GPC3: variants seen among roughly 807,000 people sequenced by gnomAD.
GPC3 encodes the protein glypican-3.
In GPC3, 3 loss-of-function variants were observed where a neutral mutation model predicts 34.4. The observed-to-expected ratio is 0.09, with a 90% CI of 0.04 to 0.23. The LOEUF (loss-of-function observed/expected upper bound fraction) is 0.23, where lower values mean the gene tolerates loss of function less well. Ranked by LOEUF, GPC3 falls within the 10% of genes least tolerant of loss-of-function variation. The probability of loss-of-function intolerance (pLI) is 1.00; values close to 1 mark genes in which losing one functional copy is unlikely to be tolerated. For missense variants in GPC3, 351 were observed against 445.6 expected (o/e 0.79, Z 1.91); for synonymous variants, 177 against 174.0 (o/e 1.02, Z -0.13).
intron 7 of GPC3, among the ~76,000 whole-genome samples, chrX:133,552,741 C>T (rs906952928): frequency 1.8e-5 from 2 of 111,695 alleles, no homozygotes; most frequent in African/African-American, 6.5e-5. Flanking sequence ...TGGCATCACT[C>T]AGGATCCAGA....
chrX:133,702,556 T>C (rs1335828108), intron 3 of GPC3, among the ~76,000 whole-genome samples: 4 of 111,393 alleles, frequency 3.6e-5, no homozygotes, highest in Non-Finnish European at 7.5e-5. Context: ...TGAATACTAA[T>C]TGGTCCACAG....
chrX:133,845,521 A>G (rs1054877524), intron 2 of GPC3, among the ~76,000 whole-genome samples: 11 of 111,822 alleles, frequency 9.8e-5, no homozygotes, highest in Non-Finnish European at 1.5e-4. Flanking sequence ...GTAGCTAAAC[A>G]TAAGTACCTA....
rs772498714 is a variant in GPC3, at chrX:133,617,950, T to C, written c.1414-21351A>G. Among the ~76,000 whole-genome samples, 129 of 111,942 alleles carry C rather than the reference T, an allele frequency of 1.2e-3. 1 individual carries two copies. The highest frequency in any genetic ancestry group is 2.2e-3 in the Non-Finnish European group (115 of 53,231). ...CTAGTTTTTAAAATGATTTCATTTA[T>C]GTGTGTGAACCGAAACATTTTGAAA... On this transcript the variant is annotated intron_variant, in intron 6 of 7. Transcript: ENST00000370818.
chrX:133,874,620 C>T (rs1009119416), intron 2 of GPC3, among the ~76,000 whole-genome samples: 12 of 111,695 alleles, frequency 1.1e-4, no homozygotes, highest in Non-Finnish European at 1.9e-4. Flanking sequence ...GGACAACAGA[C>T]GATGTTTTTA....
chrX:133,748,953 G>C (rs778866573), intron 3 of GPC3, among the ~76,000 whole-genome samples: 6 of 111,536 alleles, frequency 5.4e-5, no homozygotes, highest in African/African-American at 2.0e-4. Context: ...GAATCAACTG[G>C]GACATTTCTT....
At chrX:133,904,923 C>T (rs1247426830) in intron 2 of GPC3, among the ~76,000 whole-genome samples, 1 of 112,120 alleles carries the variant, frequency 8.9e-6, no homozygotes, top group African/African-American at 3.2e-5. Context: ...TAAGTGCAAA[C>T]GGCTTCAAGG....
In GPC3 at chrX:133,776,846, T is replaced by C. The variant is rs767423344; in HGVS notation, c.338-22670A>G. Among the ~76,000 whole-genome samples the C allele has an allele frequency of 8.3e-5, 9 of 108,766 alleles. No individual in the cohort carries two copies. In the East Asian group the frequency reaches 2.6e-3, roughly 31 times the overall value. The allele number at this position is 108,766 out of a possible 115,157, so 94.5% of individuals were successfully genotyped here. A position where few individuals can be genotyped will look rare whatever the true frequency, so the allele number is the denominator to read the frequency against. On this transcript the variant is annotated intron_variant, in intron 2 of 7. Coordinates refer to ENST00000370818, the MANE Select transcript of GPC3 (RefSeq NM_004484.4). ...AGCAATGAGTATACTCAAAAATTAG[T>C]ACAGCAAGGAAGTAGTCACGTCCTT...
chrX:133,569,230 T>C (rs1259775001), intron 7 of GPC3, among the ~76,000 whole-genome samples: 1 of 111,580 alleles, frequency 9.0e-6, no homozygotes, highest in East Asian at 2.8e-4. Context: ...GCCATGAATA[T>C]GTGAATCAAA....
intron 2 of GPC3, among the ~76,000 whole-genome samples, chrX:133,882,105 G>C (rs1038798321): frequency 8.9e-6 from 1 of 111,824 alleles, no homozygotes; most frequent in African/African-American, 3.2e-5. Flanking sequence ...AAGCACTCTG[G>C]GCTCCTTTAG....
At chrX:133,944,153 A>C (rs944708135) in intron 2 of GPC3, among the ~76,000 whole-genome samples, 1 of 110,546 alleles carries the variant, frequency 9.0e-6, no homozygotes, top group Admixed American at 9.7e-5. Context: ...TCACCTGGGG[A>C]CAGAGGGATA....
At chrX:133,881,058 A>G (rs1460039536) in intron 2 of GPC3, among the ~76,000 whole-genome samples, 2 of 112,441 alleles carry the variant, frequency 1.8e-5, no homozygotes, top group East Asian at 5.6e-4. Flanking sequence ...ATATTTCCAG[A>G]AAGCCAAGTT....
chrX:133,908,415 C>T (rs998938318), intron 2 of GPC3, among the ~76,000 whole-genome samples: 6 of 111,171 alleles, frequency 5.4e-5, no homozygotes, highest in African/African-American at 2.0e-4. Flanking sequence ...AGCCCCTACC[C>T]TGCCCTAACA....
chrX:133,782,671 T>A (rs1207703158), intron 2 of GPC3, among the ~76,000 whole-genome samples: 1 of 112,007 alleles, frequency 8.9e-6, no homozygotes, highest in Non-Finnish European at 1.9e-5. Context: ...GGCTGCCTGA[T>A]GAAGTGTGTA....
intron 2 of GPC3, among the ~76,000 whole-genome samples, chrX:133,912,030 C>A (rs2076202909): frequency 8.9e-6 from 1 of 112,404 alleles, no homozygotes; most frequent in Admixed American, 9.4e-5. Flanking sequence ...TTTTCAAAAT[C>A]ATTGTCTCAA....
At chrX:133,610,038 C>T (rs2070093714) in intron 6 of GPC3, among the ~76,000 whole-genome samples, 2 of 111,852 alleles carry the variant, frequency 1.8e-5, no homozygotes, top group African/African-American at 6.5e-5. Flanking sequence ...CAAGCATTCC[C>T]AAGACAGCCC....
At chrX:133,698,515 T>C (rs1783005644) in intron 4 of GPC3, among the ~76,000 whole-genome samples, 1 of 112,136 alleles carries the variant, frequency 8.9e-6, no homozygotes, top group African/African-American at 3.2e-5. Context: ...TCATTGTGTG[T>C]TGTTATTTTA....
In GPC3 at chrX:133,853,663, C is replaced by T. The variant is rs774407300; in HGVS notation, c.337+99387G>A. On this transcript the variant is annotated intron_variant, in intron 2 of 7. Transcript: ENST00000370818. ...TATAGAGATCAGGACTCAGTTCCTG[C>T]CCTTGAAGAACAGAATCTATTGAGG... Among the ~76,000 whole-genome samples the T allele has an allele frequency of 2.7e-5, 3 of 112,166 alleles. No homozygotes were observed. The South Asian group carries it at 1.1e-3, about 42-fold the overall frequency.
intron 2 of GPC3, among the ~76,000 whole-genome samples, chrX:133,900,875 G>T (rs2076141186): frequency 9.0e-6 from 1 of 111,421 alleles, no homozygotes. Context: ...GGTTTACTGA[G>T]CACCACTCAG....
At chrX:133,863,741 C>T (rs1479766397) in intron 2 of GPC3, among the ~76,000 whole-genome samples, 5 of 99,252 alleles carry the variant, frequency 5.0e-5, no homozygotes, top group Non-Finnish European at 1.0e-4. Flanking sequence ...CTGCAAGCTC[C>T]GCTTCCCGGG....
Sources: allele counts gnomAD v4.1 joint callset (sites outside exome capture counted in the v4.1 genomes callset), GRCh38; gene constraint gnomAD v4.1.1; transcripts MANE v1.5; gene names NCBI Gene and HGNC (gene_info 2026-07-23, HGNC 2026-07-21).